AKAP7: variants seen among roughly 807,000 people sequenced by gnomAD.
The protein encoded by AKAP7 is A kinase (PRKA) anchor protein 7.
AKAP7 carries 39 observed loss-of-function variants against 39.5 expected under a neutral mutation model. The ratio of observed to expected loss-of-function variants is 0.99; its 90% CI spans 0.76 to 1.29. AKAP7 has a LOEUF of 1.29. Ranked by LOEUF, AKAP7 falls within the 50% of genes most tolerant of loss-of-function variation. AKAP7 has a pLI of 0.00. For synonymous variants in AKAP7, 140 were observed against 139.1 expected (o/e 1.01, Z -0.05); for missense variants, 414 against 407.7 (o/e 1.02, Z -0.13).
intron 5 of AKAP7, among the ~76,000 whole-genome samples, chr6:131,190,637 T>G (rs1806318825): frequency 6.6e-6 from 1 of 151,286 alleles, no homozygotes; most frequent in Admixed American, 6.6e-5. Flanking sequence ...GGAGCGAGAT[T>G]CTGTCTTGAA....
chr6:131,215,469 C>T (rs1418141829), intron 6 of AKAP7, among the ~76,000 whole-genome samples: 2 of 152,332 alleles, frequency 1.3e-5, no homozygotes, highest in South Asian at 2.1e-4. Context: ...GGAACTGAGC[C>T]TCCTCCTGAC....
chr6:131,135,896 G>C (rs189917365), intron 1 of AKAP7, 114 bp downstream of exon 1: 25 of 1,134,434 alleles, frequency 2.2e-5, no homozygotes, highest in Non-Finnish European at 2.8e-5. Flanking sequence ...CCTTCTCCGA[G>C]TCTCCCTCCT....
At chr6:131,227,506 A>G (rs1408858758) in intron 7 of AKAP7, among the ~76,000 whole-genome samples, 5 of 152,238 alleles carry the variant, frequency 3.3e-5, no homozygotes, top group Admixed American at 3.3e-4. Flanking sequence ...TACATACACT[A>G]AAACAAGGAT....
chr6:131,164,496 T>G (rs1803287299), intron 3 of AKAP7: 2 of 453,502 alleles, frequency 4.4e-6, no homozygotes, highest in Admixed American at 4.7e-5. Context: ...CATTTGGACT[T>G]CTTTGCAACT....
intron 7 of AKAP7, among the ~76,000 whole-genome samples, chr6:131,273,125 C>G (rs1814430596): frequency 6.6e-6 from 1 of 152,086 alleles, no homozygotes; most frequent in Non-Finnish European, 1.5e-5. Context: ...GTCTGCTTTG[C>G]CTGATATTGA....
At chr6:131,250,711 G>C in intron 7 of AKAP7, 1 of 1,236,392 alleles carries the variant, frequency 8.1e-7, no homozygotes, top group Non-Finnish European at 1.2e-6. Context: ...TAATGGGAAG[G>C]ATAGCAGACT....
In AKAP7 at chr6:131,167,963, CT is replaced by C. The variant is rs1207882962; in HGVS notation, c.429-1144del. 2.6e-5 allele frequency among the ~76,000 whole-genome samples: 4 copies of C among 152,176 alleles called. No homozygotes were observed. In the East Asian group the frequency reaches 5.8e-4, roughly 22 times the overall value. On this transcript the variant is annotated intron_variant, in intron 4 of 7. Coordinates refer to ENST00000431975, the MANE Select transcript of AKAP7 (RefSeq NM_016377.4). ...AAGCCCTGTATGAATGTGCTTAGTT[CT>C]TTTTTAAGTAATGGCTGCCCTCTAG...
At chr6:131,232,065 C>A (rs1048100134) in intron 7 of AKAP7, among the ~76,000 whole-genome samples, 1 of 152,076 alleles carries the variant, frequency 6.6e-6, no homozygotes, top group African/African-American at 2.4e-5. Context: ...GCTGTTAATC[C>A]GGATGCTAAC....
intron 2 of AKAP7, among the ~76,000 whole-genome samples, chr6:131,152,587 G>A (rs2128232143): frequency 6.6e-6 from 1 of 152,216 alleles, no homozygotes; most frequent in South Asian, 2.1e-4. Flanking sequence ...CAGCACTTTG[G>A]GAGGCCGAGG....
At chr6:131,233,758 T>C (rs1450349832) in intron 7 of AKAP7, among the ~76,000 whole-genome samples, 1 of 152,196 alleles carries the variant, frequency 6.6e-6, no homozygotes, top group African/African-American at 2.4e-5. Context: ...TCTTTTAAGA[T>C]GGAAAAGAGC....
At chr6:131,214,996 G>A (rs1809008761) in intron 6 of AKAP7, among the ~76,000 whole-genome samples, 1 of 151,904 alleles carries the variant, frequency 6.6e-6, no homozygotes, top group Admixed American at 6.6e-5. Flanking sequence ...CTTATCTGTG[G>A]ATAATAGTGT....
chr6:131,194,903 C>A (rs191008362), intron 5 of AKAP7, among the ~76,000 whole-genome samples: 2 of 151,968 alleles, frequency 1.3e-5, no homozygotes, highest in African/African-American at 4.8e-5. Context: ...TTTTTCTATC[C>A]TTTTTTTCCC....
At chr6:131,241,627 G>GTGTGTGTATATATA in intron 7 of AKAP7, among the ~76,000 whole-genome samples, 1 of 86,638 alleles carries the variant, frequency 1.2e-5, no homozygotes, top group African/African-American at 5.0e-5. Context: ...GTGTGTGTGT[G>GTGTGTGTATATATA]TATATATATA....
At chr6:131,165,323 C>T in intron 4 of AKAP7, 106 bp downstream of exon 4, 2 of 763,734 alleles carry the variant, frequency 2.6e-6, no homozygotes, top group Non-Finnish European at 4.1e-6. Flanking sequence ...GAAGTAGTCT[C>T]TATACAATTT....
intron 7 of AKAP7, among the ~76,000 whole-genome samples, chr6:131,252,047 C>G (rs1235002133): frequency 6.6e-6 from 1 of 152,204 alleles, no homozygotes; most frequent in Non-Finnish European, 1.5e-5. Context: ...CTCTCCTGCT[C>G]TGTTTCTCTT....
At chr6:131,184,991 G>A in intron 5 of AKAP7, 2 of 764,096 alleles carry the variant, frequency 2.6e-6, no homozygotes, top group Non-Finnish European at 2.4e-6. Context: ...ACTCATCATC[G>A]AGGTCATCCA....
intron 7 of AKAP7, among the ~76,000 whole-genome samples, chr6:131,258,260 A>G (rs1191742757): frequency 6.6e-6 from 1 of 152,202 alleles, no homozygotes; most frequent in Non-Finnish European, 1.5e-5. Flanking sequence ...GCTTCCTACT[A>G]ATGGATTCTT....
chr6:131,199,612 C>T (rs764537929), intron 6 of AKAP7, 39 bp downstream of exon 6: 1 of 1,427,572 alleles, frequency 7.0e-7, no homozygotes, highest in Non-Finnish European at 9.9e-7. Flanking sequence ...TTTTACCAGG[C>T]CACACCAGCC....
At chr6:131,250,716 C>T (rs1812379772) in intron 7 of AKAP7, 2 of 1,163,326 alleles carry the variant, frequency 1.7e-6, no homozygotes, top group Non-Finnish European at 2.5e-6. Flanking sequence ...GGAAGGATAG[C>T]AGACTAATCA....
Sources: allele counts gnomAD v4.1 joint callset (sites outside exome capture counted in the v4.1 genomes callset), GRCh38; gene constraint gnomAD v4.1.1; transcripts MANE v1.5; gene names NCBI Gene and HGNC (gene_info 2026-07-23, HGNC 2026-07-21).